The following FBLN2 variants were observed in gnomAD, a reference collection of about 807,000 sequenced individuals.
The protein encoded by FBLN2 is fibulin-2.
Under a neutral mutation model 123.7 loss-of-function variants are expected in FBLN2, and 81 were observed. That is an observed-to-expected ratio of 0.65 (90% confidence interval 0.55 to 0.79). FBLN2 has a LOEUF of 0.79. Among genes scored for constraint, FBLN2 ranks in the 30% least tolerant of loss-of-function variants. The pLI, the probability that FBLN2 is intolerant of heterozygous loss-of-function variation, is 0.00. For synonymous variants in FBLN2, 699 were observed against 701.4 expected, an observed-to-expected ratio of 1.00 and a Z score of 0.05; for missense variants, 1,603 against 1,681.3, an observed-to-expected ratio of 0.95 and a Z score of 0.81.
chr3:13,575,326 G>A (rs576709893), intron 2 of FBLN2, among the ~76,000 whole-genome samples: 29 of 152,218 alleles, frequency 1.9e-4, no homozygotes, highest in Admixed American at 1.7e-3. Context: ...GTTGGGGTGC[G>A]GCTGTGGATG....
At chr3:13,610,735 G>A (rs1289884577) in intron 4 of FBLN2, among the ~76,000 whole-genome samples, 2 of 151,992 alleles carry the variant, frequency 1.3e-5, no homozygotes, top group African/African-American at 4.8e-5. Context: ...TCTCTCATAT[G>A]CTGCAGGCTG....
At position 13,614,118 on chromosome 3, in the gene FBLN2, A is replaced by T; in HGVS notation, c.1683A>T (p.Val561=). The T allele has an allele frequency of 6.2e-7, 1 of 1,613,260 alleles. No individual in the cohort carries two copies. Among genetic ancestry groups the T allele is most frequent in the Admixed American group, 1.7e-5 (1 of 60,010 alleles). Residue 561 remains valine, a synonymous_variant, in exon 5 of 18, where the codon GTA becomes GTT. Coordinates refer to ENST00000404922, the MANE Select transcript of FBLN2 (RefSeq NM_001004019.2). ...SCCEGEEPLI[V]PEVRRPPEPA... is the part of the protein sequence containing the mutation. ...GTGAGGGTGAAGAGCCTCTCATAGT[A>T]CCTGAGGTTCGCCGACCTCCAGAGC... is the stretch of plus-strand genomic sequence containing the variant.
chr3:13,579,805 CT>C (rs1275169321), intron 2 of FBLN2, among the ~76,000 whole-genome samples: 1 of 152,198 alleles, frequency 6.6e-6, no homozygotes, highest in African/African-American at 2.4e-5. Context: ...TGTGTCTGTG[CT>C]TTTTTTCTTT....
At chr3:13,570,288 G>A in intron 1 of FBLN2, 27 bp from the exon 2 acceptor site, 1 of 1,455,954 alleles carries the variant, frequency 6.9e-7, no homozygotes. Flanking sequence ...ACCCAGTACT[G>A]ACAGGCTTCC....
At position 13,570,788 on chromosome 3, in the gene FBLN2, A is replaced by T. The variant is rs1064949; in HGVS notation, c.433A>T (p.Lys145Ter). 1 of 1,597,024 alleles carries T rather than the reference A, an allele frequency of 6.3e-7. No individual in the cohort carries two copies. The highest frequency in any genetic ancestry group is 8.5e-7 in the Non-Finnish European group (1 of 1,172,896). ...GGTGGGCTGCGTCCACGCGGGCCAC[A>T]AGTACGCCGCTGGCCACACTGTTCA... ...GQVGCVHAGH[K>*]YAAGHTVHLP... The change falls in exon 2 of 18, where the codon AAG becomes TAG. Residue 145 changes from lysine to a stop codon, truncating the protein, a stop_gained. Coordinates refer to ENST00000404922, the MANE Select transcript of FBLN2 (RefSeq NM_001004019.2). LOFTEE classifies it high-confidence loss of function.
At chr3:13,565,357 C>T (rs1703714128) in intron 1 of FBLN2, among the ~76,000 whole-genome samples, 2 of 152,258 alleles carry the variant, frequency 1.3e-5, no homozygotes, top group Admixed American at 1.3e-4. Flanking sequence ...GTGCTGGATG[C>T]ACTCCCAGAT....
At chr3:13,582,602 GC>G (rs1296973950) in intron 2 of FBLN2, among the ~76,000 whole-genome samples, 2 of 152,210 alleles carry the variant, frequency 1.3e-5, no homozygotes, top group African/African-American at 2.4e-5. Context: ...GCCTGCTTTG[GC>G]CCTCAGAGAG....
At chr3:13,585,681 T>C (rs1275658510) in intron 2 of FBLN2, among the ~76,000 whole-genome samples, 5 of 152,068 alleles carry the variant, frequency 3.3e-5, no homozygotes, top group Non-Finnish European at 7.4e-5. Flanking sequence ...ATCCCAGCAC[T>C]TTGGGAGGCC....
intron 2 of FBLN2, among the ~76,000 whole-genome samples, chr3:13,598,548 C>T (rs1485856542): frequency 1.3e-5 from 2 of 152,248 alleles, no homozygotes; most frequent in Non-Finnish European, 2.9e-5. Flanking sequence ...TGCCCCTGGG[C>T]TCCCTCTCTT....
In FBLN2 at chr3:13,638,364, G is replaced by T. The variant is rs928192136; in HGVS notation, c.*445G>T. 2 of 371,560 alleles carry T rather than the reference G, an allele frequency of 5.4e-6. No individual in the cohort carries two copies. Among genetic ancestry groups the T allele is most frequent in the Non-Finnish European group, 1.0e-5 (2 of 200,032 alleles). 23.0% of individuals were successfully genotyped at this position (371,560 alleles called of 1,614,324 possible). A position where few individuals can be genotyped will look rare whatever the true frequency, so the allele number is the denominator to read the frequency against. ...GTACATGTACATTATATAAAAAAAAGTTCAACTAGTATGAAAGGGTTATAA... is the reference window on the plus strand; with the variant it reads ...GTACATGTACATTATATAAAAAAAATTTCAACTAGTATGAAAGGGTTATAA... On this transcript the variant is annotated 3_prime_UTR_variant, in exon 18 of 18. Coordinates refer to ENST00000404922, the MANE Select transcript of FBLN2 (RefSeq NM_001004019.2).
chr3:13,604,432 A>G (rs369785978), intron 2 of FBLN2, among the ~76,000 whole-genome samples: 71 of 152,158 alleles, frequency 4.7e-4, no homozygotes, highest in African/African-American at 1.7e-3. Context: ...GAAGGGATCC[A>G]GTTTCAGCTT....
chr3:13,580,281 G>T (rs570906492), intron 2 of FBLN2, among the ~76,000 whole-genome samples: 61 of 152,242 alleles, frequency 4.0e-4, no homozygotes, highest in Non-Finnish European at 7.5e-4. Flanking sequence ...TATTTTTATA[G>T]CCCTGGTAGA....
chr3:13,613,987 T>C lies in FBLN2; in HGVS notation c.1552T>C (p.Cys518Arg), dbSNP rs1705490252. The change falls in exon 5 of 18, where the codon TGC becomes CGC. Residue 518 changes from cysteine (C) to arginine (R), a missense_variant. By Grantham distance (180) the Cys-to-Arg change is radical. Transcript: ENST00000404922. ...TGATAACTGTCTCTCCCTGCAGCAA[T>C]GCTGTGACTGCTGTGGCCTGGGCCT... ...DSCGISLYKQ[C>R]CDCCGLGLRV... 6.2e-7 allele frequency: 1 copy of C among 1,611,832 alleles called. No homozygotes were observed. Among genetic ancestry groups the C allele is most frequent in the East Asian group, 2.2e-5 (1 of 44,880 alleles).
chr3:13,552,080 C>A (rs538078249), intron 1 of FBLN2, among the ~76,000 whole-genome samples: 108 of 152,246 alleles, frequency 7.1e-4, no homozygotes, highest in African/African-American at 2.5e-3. Context: ...CTCAAGTGAT[C>A]CTCACTCACA....
At chr3:13,568,783 C>T (rs1221026056) in intron 1 of FBLN2, 8 of 985,720 alleles carry the variant, frequency 8.1e-6, no homozygotes, top group African/African-American at 1.7e-5. Flanking sequence ...GCCTGCCTGG[C>T]GTTCAGTTCT....
intron 14 of FBLN2, among the ~76,000 whole-genome samples, chr3:13,630,225 C>T (rs986442384): frequency 6.6e-6 from 1 of 152,210 alleles, no homozygotes; most frequent in Admixed American, 6.5e-5. Context: ...CATCTGTACC[C>T]ACAAATAGGG....
chr3:13,563,528 G>A (rs536752336), intron 1 of FBLN2, among the ~76,000 whole-genome samples: 1 of 152,168 alleles, frequency 6.6e-6, no homozygotes, highest in East Asian at 1.9e-4. Flanking sequence ...GTCTTGCCCA[G>A]CTCCCCCTGG....
intron 9 of FBLN2, among the ~76,000 whole-genome samples, chr3:13,622,860 C>T (rs539469207): frequency 2.6e-5 from 4 of 152,330 alleles, no homozygotes; most frequent in Middle Eastern, 3.4e-3. Context: ...CAGAGACACG[C>T]GCAGAGGGCG....
At position 13,571,359 on chromosome 3, in the gene FBLN2, G is replaced by A. The variant is rs750733867; in HGVS notation, c.1004G>A (p.Arg335Lys). The A allele has an allele frequency of 3.1e-6, 5 of 1,612,248 alleles. No individual in the cohort carries two copies. The Admixed American group carries it at 6.7e-5, about 22-fold the overall frequency. Residue 335 changes from arginine to lysine, a missense_variant, in exon 2 of 18, where the codon AGG becomes AAG. Arg to Lys is a conservative substitution (Grantham distance 26). Transcript: ENST00000404922. The part of the protein sequence containing the change: ...EAGARAEAGA[R>K]PEENLILDAQ... ...GGGGCAAGGGCAGAAGCTGGGGCAA[G>A]GCCTGAAGAGAACCTCATCCTGGAT... is the stretch of plus-strand genomic sequence containing the variant.
Sources: allele counts gnomAD v4.1 joint callset (sites outside exome capture counted in the v4.1 genomes callset), GRCh38; gene constraint gnomAD v4.1.1; transcripts MANE v1.5; gene names NCBI Gene and HGNC (gene_info 2026-07-23, HGNC 2026-07-21).